DUOX1: variants seen among roughly 807,000 people sequenced by gnomAD.
DUOX1 encodes the protein dual oxidase 1.
Under a neutral mutation model 181.8 loss-of-function variants are expected in DUOX1, and 134 were observed. That is an observed-to-expected ratio of 0.74 (90% CI 0.64 to 0.85). DUOX1 has a LOEUF of 0.85. Among genes scored for constraint, DUOX1 ranks in the 40% least tolerant of loss-of-function variants. The pLI is 0.00. For missense variants in DUOX1, 1,814 were observed against 2,064.4 expected (o/e 0.88, Z 2.35); for synonymous variants, 798 against 832.5 (o/e 0.96, Z 0.71).
rs142322972 is a variant in DUOX1, at chr15:45,164,008, G to A, written c.4533+90G>A. 1,157 of 1,532,990 alleles carry A rather than the reference G, an allele frequency of 7.5e-4. 9 individuals are homozygous for A. The African/African-American group carries it at 0.015, about 19-fold the overall frequency. The allele number at this position is 1,532,990 out of a possible 1,614,324, so 95.0% of individuals were successfully genotyped here. On this transcript the variant is annotated intron_variant, in intron 33 of 33. Coordinates refer to ENST00000389037, the MANE Select transcript of DUOX1 (RefSeq NM_175940.3). ...AACCTTCCCCATCGAGGAAGAAATC[G>A]ACTGCTGATGAGAACCCATCCCCTG...
chr15:45,156,213 G>C (rs1896965967), intron 28 of DUOX1, among the ~76,000 whole-genome samples: 1 of 152,140 alleles, frequency 6.6e-6, no homozygotes, highest in Non-Finnish European at 1.5e-5. Context: ...CTTCTGCCCA[G>C]CTAGTCTTTC....
At chr15:45,138,711 G>GCCCTGTGGCTTGCCC (rs1896404600) in intron 10 of DUOX1, 2 of 210,922 alleles carry the variant, frequency 9.5e-6, no homozygotes, top group Non-Finnish European at 1.9e-5. Flanking sequence ...AGGAAACTGA[G>GCCCTGTGGCTTGCCC]TTCAGAGAGG....
intron 27 of DUOX1, among the ~76,000 whole-genome samples, chr15:45,154,510 C>G (rs1187664288): frequency 6.6e-6 from 1 of 151,796 alleles, no homozygotes; most frequent in Non-Finnish European, 1.5e-5. Context: ...TTCAAATTCT[C>G]TTGAACCTAT....
rs766652528 is a variant in DUOX1 at position 45,160,927 on chromosome 15, C to G, written c.3793C>G (p.Leu1265Val). ...VPAIIYGGDK[L>V]VSLSRKKVEI... is the part of the protein sequence containing the mutation. ...AGCAATCATCTATGGGGGCGACAAG[C>G]TGGTGAGCCTGAGCCGGAAGAAGGT... Residue 1265 changes from leucine to valine, a missense_variant, in exon 29 of 34, where the codon CTG becomes GTG. Transcript: ENST00000389037. The G allele has an allele frequency of 3.7e-6, 6 of 1,614,172 alleles. No individual in the cohort carries two copies. The highest frequency in any genetic ancestry group is 5.1e-6 in the Non-Finnish European group (6 of 1,180,008).
In DUOX1 at chr15:45,134,341, G is replaced by A. The variant is rs759964814; in HGVS notation, c.307+32G>A. ...ACTTCAACCTCTGGGGAAGGAAGCC[G>A]GTGGGGTCGGCTGGACACCTCTGCA... is the stretch of plus-strand genomic sequence containing the variant. On this transcript the variant is annotated intron_variant, in intron 4 of 33. Coordinates refer to ENST00000389037, the MANE Select transcript of DUOX1 (RefSeq NM_175940.3). 3.3e-5 allele frequency: 52 copies of A among 1,563,560 alleles called. No homozygotes were observed. In the East Asian group the frequency reaches 3.9e-4, roughly 12 times the overall value.
Position 45,162,203 on chromosome 15 carries a change from A to G in DUOX1, c.4090-16A>G, listed in dbSNP as rs148462893. 1.6e-4 allele frequency: 247 copies of G among 1,592,732 alleles called. No individual in the cohort carries two copies. The African/African-American group carries it at 3.0e-3, about 19-fold the overall frequency. ...TGGTGGCCAAGCTTAACTGAAACCC[A>G]CGCCCCTCCCTACAGCTGTACCTTG... On this transcript the variant is annotated splice_polypyrimidine_tract_variant and intron_variant, in intron 30 of 33. Transcript: ENST00000389037.
At chr15:45,150,770 G>T (rs1896780623) in intron 22 of DUOX1, 69 bp downstream of exon 22, 2 of 1,463,946 alleles carry the variant, frequency 1.4e-6, no homozygotes, top group East Asian at 4.6e-5. Context: ...CTGAATGGCT[G>T]GGATCAGGGC....
chr15:45,155,597 G>A, intron 27 of DUOX1: 2 of 582,012 alleles, frequency 3.4e-6, no homozygotes, highest in Non-Finnish European at 5.8e-6. Context: ...AAATCATGGT[G>A]ACAAGGGCTA....
At chr15:45,152,134 C>G (rs1896827303) in intron 24 of DUOX1, 82 bp downstream of exon 24, 2 of 1,533,538 alleles carry the variant, frequency 1.3e-6, no homozygotes, top group South Asian at 2.5e-5. Flanking sequence ...GCGATAAGTG[C>G]CAGCCCTGGG....
chr15:45,143,957 C>A, intron 16 of DUOX1, 79 bp from the exon 17 acceptor site: 1 of 1,430,194 alleles, frequency 7.0e-7, no homozygotes, highest in South Asian at 1.2e-5. Context: ...GATCTAATTT[C>A]AGCCCTGAGC....
At chr15:45,153,271 G>C (rs536976138) in intron 25 of DUOX1, 109 bp from the exon 26 acceptor site, 3 of 713,982 alleles carry the variant, frequency 4.2e-6, no homozygotes, top group African/African-American at 3.6e-5. Flanking sequence ...GACTCCTAAG[G>C]TACTTCTCTG....
At chr15:45,164,043 T>C in intron 33 of DUOX1, 125 bp downstream of exon 33, 1 of 1,418,106 alleles carries the variant, frequency 7.1e-7, no homozygotes, top group Non-Finnish European at 9.6e-7. Context: ...GGGAGATTGG[T>C]GGGGTAATGG....
Position 45,164,927 on chromosome 15 carries a change from T to C in DUOX1, c.*26T>C. On this transcript the variant is annotated 3_prime_UTR_variant, in exon 34 of 34. Coordinates refer to ENST00000389037, the MANE Select transcript of DUOX1 (RefSeq NM_175940.3). ...GCCCCTGCCCGGGGGTTCTGCCCACTGCCCAGTTGAGCAGAGGTTTGAGCC... is the reference window on the plus strand; with the variant it reads ...GCCCCTGCCCGGGGGTTCTGCCCACCGCCCAGTTGAGCAGAGGTTTGAGCC... 6.2e-7 allele frequency: 1 copy of C among 1,612,866 alleles called. No homozygotes were observed. The highest frequency in any genetic ancestry group is 1.1e-5 in the South Asian group (1 of 91,046).
intron 28 of DUOX1, 24 bp downstream of exon 28, chr15:45,155,953 A>T: frequency 6.2e-7 from 1 of 1,614,136 alleles, no homozygotes; most frequent in Non-Finnish European, 8.5e-7. Context: ...GCTGTGAGCC[A>T]GGCCAGGAGG....
chr15:45,135,035 T>C (rs535296872), intron 4 of DUOX1, 69 bp from the exon 5 acceptor site: 2 of 1,571,456 alleles, frequency 1.3e-6, no homozygotes, highest in African/African-American at 2.8e-5. Flanking sequence ...GGAAGGAAAC[T>C]GGATACCTAG....
chr15:45,150,478 G>A, intron 21 of DUOX1, 154 bp from the exon 22 acceptor site: 1 of 674,842 alleles, frequency 1.5e-6, no homozygotes, highest in South Asian at 1.9e-5. Flanking sequence ...TTGGGGACAA[G>A]GGCTGAGGTT....
At chr15:45,134,377 G>A in intron 4 of DUOX1, 68 bp downstream of exon 4, 4 of 1,479,968 alleles carry the variant, frequency 2.7e-6, no homozygotes, top group Non-Finnish European at 2.7e-6. Context: ...TGTGAAGAGG[G>A]GTCAGAGGAT....
At chr15:45,149,790 G>A (rs1023360679) in intron 21 of DUOX1, among the ~76,000 whole-genome samples, 4 of 152,234 alleles carry the variant, frequency 2.6e-5, no homozygotes, top group Admixed American at 2.6e-4. Context: ...GGCGGAGGCT[G>A]TAGTGAGCCA....
chr15:45,131,889 G>C, intron 1 of DUOX1, 29 bp from the exon 2 acceptor site: 2 of 1,455,968 alleles, frequency 1.4e-6, no homozygotes, highest in Non-Finnish European at 1.9e-6. Flanking sequence ...TGAGTAGCTG[G>C]GGCTCATTCT....
Sources: gnomAD v4.1 joint callset for allele counts (sites outside exome capture counted in the v4.1 genomes callset) on GRCh38, gnomAD v4.1.1 for gene constraint, MANE v1.5 for transcripts, NCBI Gene and HGNC (gene_info 2026-07-23, HGNC 2026-07-21) for gene names.